DIS3L2: variants seen among roughly 807,000 people sequenced by gnomAD.
DIS3L2 encodes the protein DIS3-like exonuclease 2.
Under a neutral mutation model 97.5 loss-of-function variants are expected in DIS3L2, and 34 were observed. That is an observed-to-expected ratio of 0.35 (90% CI 0.27 to 0.46). The LOEUF is 0.46. Ranked by LOEUF, DIS3L2 falls within the 20% of genes least tolerant of loss-of-function variation. The pLI is 1.00. For synonymous variants in DIS3L2, 435 were observed against 445.2 expected, an observed-to-expected ratio of 0.98 and a Z score of 0.29; for missense variants, 1,038 against 1,146.0, an observed-to-expected ratio of 0.91 and a Z score of 1.36.
intron 6 of DIS3L2, among the ~76,000 whole-genome samples, chr2:232,090,484 T>G (rs1235349161): frequency 6.6e-6 from 1 of 152,170 alleles, no homozygotes; most frequent in East Asian, 1.9e-4. Context: ...CCTCTTGATA[T>G]TTAGGAAAAT....
chr2:232,239,334 T>C (rs557728010), intron 11 of DIS3L2, among the ~76,000 whole-genome samples: 1 of 152,340 alleles, frequency 6.6e-6, no homozygotes, highest in Admixed American at 6.5e-5. Context: ...TTAACACATA[T>C]ATATTGAGCA....
intron 1 of DIS3L2, among the ~76,000 whole-genome samples, chr2:231,965,737 A>G (rs1429871846): frequency 6.6e-6 from 1 of 152,202 alleles, no homozygotes; most frequent in Non-Finnish European, 1.5e-5. Context: ...ATGCAAAACT[A>G]TGGCTGTGAC....
At chr2:232,311,442 A>G (rs928335602) in intron 14 of DIS3L2, among the ~76,000 whole-genome samples, 1 of 152,242 alleles carries the variant, frequency 6.6e-6, no homozygotes, top group Non-Finnish European at 1.5e-5. Context: ...GAAATAGAAC[A>G]TGGCCAGGTG....
chr2:232,323,077 A>G (rs1213034909), intron 14 of DIS3L2, among the ~76,000 whole-genome samples: 1 of 152,184 alleles, frequency 6.6e-6, no homozygotes, highest in Non-Finnish European at 1.5e-5. Flanking sequence ...CCTCCTCAGG[A>G]CCTTGTTTCC....
At chr2:232,137,747 A>T (rs1319602054) in intron 8 of DIS3L2, among the ~76,000 whole-genome samples, 1 of 152,198 alleles carries the variant, frequency 6.6e-6, no homozygotes, top group East Asian at 1.9e-4. Flanking sequence ...TTTCAGTTAT[A>T]TGAAGATTGG....
At chr2:232,041,935 G>C (rs1311968953) in intron 5 of DIS3L2, among the ~76,000 whole-genome samples, 1 of 152,214 alleles carries the variant, frequency 6.6e-6, no homozygotes, top group African/African-American at 2.4e-5. Flanking sequence ...AATCAGTCAA[G>C]TACTTTGTTA....
At chr2:232,341,079 C>A (rs1696092452), downstream of DIS3L2, 2 of 379,978 alleles carry the variant, frequency 5.3e-6, no homozygotes, top group African/African-American at 2.1e-5. Flanking sequence ...CGTGGAGACA[C>A]ATTTCAGCGC....
intron 14 of DIS3L2, among the ~76,000 whole-genome samples, chr2:232,300,647 T>A (rs1013769088): frequency 4.1e-5 from 6 of 145,080 alleles, no homozygotes; most frequent in Non-Finnish European, 8.9e-5. Context: ...CATCATAGAC[T>A]GCTCCTTTTT....
intron 13 of DIS3L2, among the ~76,000 whole-genome samples, chr2:232,278,416 C>G (rs1280119294): frequency 6.6e-6 from 1 of 152,182 alleles, no homozygotes; most frequent in African/African-American, 2.4e-5. Context: ...AATCAAGATA[C>G]AGAACAATTC....
intron 5 of DIS3L2, among the ~76,000 whole-genome samples, chr2:232,062,255 T>C (rs905840109): frequency 1.3e-5 from 2 of 152,136 alleles, no homozygotes; most frequent in African/African-American, 4.8e-5. Context: ...CAGGCATTCA[T>C]GTTGTCATGA....
rs184984995 is a variant in DIS3L2, at chr2:232,269,055, C to T, written c.1659+5615C>T. ...TTCTCATTTCCCACTTCTGCAAGCTCAGCAGCTCTTCACAGTCAGGTCTTC... is the reference window on the plus strand; with the variant it reads ...TTCTCATTTCCCACTTCTGCAAGCTTAGCAGCTCTTCACAGTCAGGTCTTC... On this transcript the variant is annotated intron_variant, in intron 13 of 20. Transcript: ENST00000325385. This position sits in a 1 kb window ranked among gnomAD's most constrained non-coding sequence, Gnocchi z 4.5. Among the ~76,000 whole-genome samples, 33 of 152,336 alleles carry T rather than the reference C, an allele frequency of 2.2e-4. No individual in the cohort carries two copies. Among genetic ancestry groups the T allele is most frequent in the African/African-American group, 7.5e-4 (31 of 41,582 alleles).
intron 13 of DIS3L2, among the ~76,000 whole-genome samples, chr2:232,298,154 C>T (rs1694766404): frequency 6.6e-6 from 1 of 152,188 alleles, no homozygotes; most frequent in South Asian, 2.1e-4. Context: ...CCTGCTATTC[C>T]ATGTGTGACT....
intron 11 of DIS3L2, among the ~76,000 whole-genome samples, chr2:232,238,920 T>C (rs1057032894): frequency 1.7e-4 from 26 of 152,220 alleles, no homozygotes; most frequent in African/African-American, 6.0e-4. Context: ...CTAGTTTTTG[T>C]AAGGTTTTAT....
intron 12 of DIS3L2, among the ~76,000 whole-genome samples, chr2:232,261,614 C>T (rs1693714078): frequency 1.3e-5 from 2 of 152,336 alleles, no homozygotes; most frequent in South Asian, 4.1e-4. Flanking sequence ...ACAGCGTCTC[C>T]AGAACCCATT....
intron 5 of DIS3L2, among the ~76,000 whole-genome samples, chr2:232,033,773 T>C (rs1694876553): frequency 6.6e-6 from 1 of 152,222 alleles, no homozygotes. Flanking sequence ...ATTACATTTA[T>C]TGATTTGAAT....
At chr2:232,168,643 G>GT (rs1690893200) in intron 9 of DIS3L2, among the ~76,000 whole-genome samples, 1 of 152,292 alleles carries the variant, frequency 6.6e-6, no homozygotes, top group East Asian at 1.9e-4. Flanking sequence ...TTGCCTTTGT[G>GT]TTGCAGAACG....
At chr2:231,991,072 A>AT (rs1417983479) in intron 1 of DIS3L2, among the ~76,000 whole-genome samples, 1 of 151,370 alleles carries the variant, frequency 6.6e-6, no homozygotes, top group Non-Finnish European at 1.5e-5. Flanking sequence ...TGCCCGGCTA[A>AT]TTTTTGTATT....
rs1401996898 is a variant in DIS3L2, at chr2:232,072,783, G to GGGGTGTGTGT, written c.367-14703_367-14702insGGTGTGTGTG. On this transcript the variant is annotated intron_variant, in intron 5 of 20. Transcript: ENST00000325385. ...AGATCAGCTGACAGTTGGGATGTGG[G>GGGGTGTGTGT]GTGTGTGTGTGTGTGTGTGTGTGTG... Among the ~76,000 whole-genome samples the GGGGTGTGTGT allele has an allele frequency of 1.8e-4, 25 of 139,808 alleles. 1 individual carries two copies. The highest frequency in any genetic ancestry group is 3.9e-4 in the African/African-American group (14 of 35,548). The allele number at this position is 139,808 out of a possible 152,430, so 91.7% of individuals were successfully genotyped here.
At chr2:232,083,133 A>ACAAGT (rs1240921156) in intron 5 of DIS3L2, among the ~76,000 whole-genome samples, 1 of 151,390 alleles carries the variant, frequency 6.6e-6, no homozygotes, top group Non-Finnish European at 1.5e-5. Context: ...TGTGGGAGCT[A>ACAAGT]CAAGTCAAGA....
Sources: gnomAD v4.1 joint callset for allele counts (sites outside exome capture counted in the v4.1 genomes callset) on GRCh38, gnomAD v4.1.1 for gene constraint, Gnocchi (gnomAD v3.1) non-coding constraint, MANE v1.5 for transcripts, NCBI Gene and HGNC (gene_info 2026-07-23, HGNC 2026-07-21) for gene names.